The following LTBP1 variants were observed in gnomAD, a reference collection of about 807,000 sequenced individuals.
LTBP1 encodes latent transforming growth factor beta binding protein 1.
A neutral mutation model predicts 207.6 loss-of-function variants in LTBP1; 129 were observed. The observed-to-expected ratio is 0.62, with a 90% confidence interval of 0.54 to 0.72. The LOEUF (loss-of-function observed/expected upper bound fraction) is 0.72, where lower values mean the gene tolerates loss of function less well. Among genes scored for constraint, LTBP1 ranks in the 30% least tolerant of loss-of-function variants. The pLI is 0.00. For synonymous variants in LTBP1, 963 were observed against 833.7 expected, an observed-to-expected ratio of 1.16 and a Z score of -2.67; for missense variants, 2,281 against 2,217.2, an observed-to-expected ratio of 1.03 and a Z score of -0.58.
rs528096741 is a variant in LTBP1, at chr2:33,364,216, A to T, written c.4400A>T (p.Asp1467Val). The T allele has an allele frequency of 3.1e-6, 5 of 1,611,842 alleles. No homozygotes were observed. The African/African-American group carries it at 4.0e-5, about 13-fold the overall frequency. ...AGTAATACTTTTTTTTGCTCTTAAG[A>T]TATGGATGAATGTCAAGACCCCAGT... ...YYDPVKLQCF[D>V]MDECQDPSSC... Residue 1467 changes from aspartate to valine, a missense_variant and splice_region_variant, in exon 30 of 34, where the codon GAT becomes GTT. Asp to Val is a radical substitution (Grantham distance 152). Coordinates refer to ENST00000404816, the MANE Select transcript of LTBP1 (RefSeq NM_206943.4).
At chr2:32,971,629 C>T (rs1430651941) in intron 2 of LTBP1, among the ~76,000 whole-genome samples, 1 of 152,094 alleles carries the variant, frequency 6.6e-6, no homozygotes, top group Non-Finnish European at 1.5e-5. Flanking sequence ...AGCCTTACAT[C>T]CCAGCGATAA....
chr2:33,307,773 A>C (rs1158551152), intron 22 of LTBP1, among the ~76,000 whole-genome samples: 2 of 152,260 alleles, frequency 1.3e-5, no homozygotes, highest in African/African-American at 4.8e-5. Flanking sequence ...TTTTAGGGTC[A>C]GTACCCGGAA....
intron 26 of LTBP1, among the ~76,000 whole-genome samples, chr2:33,357,074 T>C (rs1252550963): frequency 1.3e-5 from 2 of 152,212 alleles, no homozygotes; most frequent in African/African-American, 4.8e-5. Flanking sequence ...TTTAAAAAGC[T>C]CATGTCCACT....
chr2:33,380,908 C>A (rs1249356919), intron 31 of LTBP1, among the ~76,000 whole-genome samples: 2 of 151,864 alleles, frequency 1.3e-5, no homozygotes, highest in South Asian at 2.1e-4. Flanking sequence ...AAAAAAAGTT[C>A]TTTGTATGTA....
chr2:33,034,783 A>G (rs2075840686), intron 3 of LTBP1, among the ~76,000 whole-genome samples: 1 of 152,228 alleles, frequency 6.6e-6, no homozygotes, highest in Non-Finnish European at 1.5e-5. Context: ...ATTTCCTCTC[A>G]GAGACTGGTG....
chr2:32,961,417 AT>A (rs1679089785), intron 2 of LTBP1, among the ~76,000 whole-genome samples: 2 of 152,366 alleles, frequency 1.3e-5, no homozygotes, highest in African/African-American at 4.8e-5. Context: ...ATTTAAAAAA[AT>A]GTTCAATCCT....
At chr2:33,394,480 G>C (rs937693827) in intron 32 of LTBP1, among the ~76,000 whole-genome samples, 2 of 152,122 alleles carry the variant, frequency 1.3e-5, no homozygotes, top group African/African-American at 4.8e-5. Flanking sequence ...GTATAATTTT[G>C]TAAGGAAGGG....
chr2:33,012,274 G>T (rs1687773476), intron 2 of LTBP1, among the ~76,000 whole-genome samples: 2 of 152,184 alleles, frequency 1.3e-5, no homozygotes, highest in Non-Finnish European at 2.9e-5. Context: ...AGCTGGGATG[G>T]GGTGGGGGGG....
At chr2:33,117,196 C>T (rs374885757) in intron 4 of LTBP1, among the ~76,000 whole-genome samples, 3 of 152,180 alleles carry the variant, frequency 2.0e-5, no homozygotes, top group African/African-American at 4.8e-5. Flanking sequence ...CTGGCCTGAT[C>T]GCAGTCCATA....
At chr2:33,110,231 C>T (rs141855862) in intron 3 of LTBP1, among the ~76,000 whole-genome samples, 1 of 152,316 alleles carries the variant, frequency 6.6e-6, no homozygotes, top group Non-Finnish European at 1.5e-5. Flanking sequence ...GCTAGGACTA[C>T]AGTCATGCAC....
chr2:33,236,775 G>T (rs2092073078), intron 9 of LTBP1, among the ~76,000 whole-genome samples: 1 of 152,198 alleles, frequency 6.6e-6, no homozygotes, highest in African/African-American at 2.4e-5. Context: ...AATATCTGTA[G>T]ACTACAGTCA....
intron 11 of LTBP1, among the ~76,000 whole-genome samples, chr2:33,255,979 A>T (rs2092837879): frequency 6.6e-6 from 1 of 152,154 alleles, no homozygotes; most frequent in Non-Finnish European, 1.5e-5. Context: ...TCTGAAGGCC[A>T]CACACTGCCT....
intron 10 of LTBP1, among the ~76,000 whole-genome samples, chr2:33,252,001 A>G (rs2092699698): frequency 6.6e-6 from 1 of 152,224 alleles, no homozygotes; most frequent in African/African-American, 2.4e-5. Flanking sequence ...GATGAGGATT[A>G]AAGTTTAGGT....
At chr2:33,357,123 G>A (rs774387621) in intron 26 of LTBP1, among the ~76,000 whole-genome samples, 1 of 151,930 alleles carries the variant, frequency 6.6e-6, no homozygotes, top group Non-Finnish European at 1.5e-5. Flanking sequence ...CACCCCAACA[G>A]TAATTCCTAA....
At chr2:33,322,563 G>A (rs75643219) in intron 24 of LTBP1, among the ~76,000 whole-genome samples, 3,013 of 152,314 alleles carry the variant, frequency 0.02, 43 homozygotes, top group Middle Eastern at 0.11. Context: ...TAAAACAGTA[G>A]CAAGAATAAT....
chr2:33,399,500 A>G lies in LTBP1; in HGVS notation c.*955A>G, dbSNP rs1476632348. On this transcript the variant is annotated 3_prime_UTR_variant, in exon 34 of 34. Coordinates refer to ENST00000404816, the MANE Select transcript of LTBP1 (RefSeq NM_206943.4). ...ATCATTAAATTTGTTAGATCTTGTTATGGGCTAAATTGTTTCCCCTAACAT... is the reference window on the plus strand; with the variant it reads ...ATCATTAAATTTGTTAGATCTTGTTGTGGGCTAAATTGTTTCCCCTAACAT... 1 of 152,156 alleles carries G rather than the reference A, an allele frequency of 6.6e-6. No homozygotes were observed. Among genetic ancestry groups the G allele is most frequent in the Non-Finnish European group, 1.5e-5 (1 of 68,028 alleles). 9.4% of individuals were successfully genotyped at this position (152,156 alleles called of 1,614,324 possible).
chr2:33,053,085 C>T (rs532416437), intron 3 of LTBP1, among the ~76,000 whole-genome samples: 24 of 152,056 alleles, frequency 1.6e-4, no homozygotes, highest in Non-Finnish European at 2.1e-4. Flanking sequence ...TGGTCAGGCT[C>T]GTCTTGAACT....
chr2:33,254,860 T>TTG (rs2092798282), intron 11 of LTBP1, among the ~76,000 whole-genome samples: 1 of 99,360 alleles, frequency 1.0e-5, no homozygotes, highest in Non-Finnish European at 1.9e-5. Flanking sequence ...TGGTTTTTTT[T>TTG]TTTTTTTTTT....
chr2:32,951,011 C>G (rs958037557), intron 2 of LTBP1, among the ~76,000 whole-genome samples: 2 of 152,096 alleles, frequency 1.3e-5, no homozygotes, highest in African/African-American at 4.8e-5. Flanking sequence ...GGGTTTGCCC[C>G]CTGGTAATCC....
Sources: allele counts gnomAD v4.1 joint callset (sites outside exome capture counted in the v4.1 genomes callset), GRCh38; gene constraint gnomAD v4.1.1; transcripts MANE v1.5; gene names NCBI Gene and HGNC (gene_info 2026-07-23, HGNC 2026-07-21).